Variants in SH3GL2 observed in about 807,000 individuals in gnomAD.
SH3GL2 encodes the protein SH3 domain containing GRB2 like 2, endophilin A1.
SH3GL2 carries 24 observed loss-of-function variants against 46.0 expected under a neutral mutation model. The observed-to-expected ratio is 0.52, with a 90% CI of 0.38 to 0.73. The LOEUF is 0.73. Ranked by LOEUF, SH3GL2 falls within the 30% of genes least tolerant of loss-of-function variation. The pLI is 0.00. For missense variants in SH3GL2, 413 were observed against 424.2 expected, an observed-to-expected ratio of 0.97 and a Z score of 0.23; for synonymous variants, 196 against 147.1, an observed-to-expected ratio of 1.33 and a Z score of -2.40.
At chr9:17,623,857 G>A (rs1339653951) in intron 1 of SH3GL2, among the ~76,000 whole-genome samples, 1 of 151,696 alleles carries the variant, frequency 6.6e-6, no homozygotes, top group Non-Finnish European at 1.5e-5. Context: ...TACTATAACC[G>A]CAGCACTATT....
intron 1 of SH3GL2, among the ~76,000 whole-genome samples, chr9:17,594,131 C>T (rs1818530824): frequency 1.3e-5 from 2 of 152,152 alleles, no homozygotes; most frequent in South Asian, 4.1e-4. Context: ...CCTTATGGCT[C>T]CCAGGATAGG....
intron 1 of SH3GL2, among the ~76,000 whole-genome samples, chr9:17,636,974 A>G (rs1024348484): frequency 2.0e-5 from 3 of 152,174 alleles, no homozygotes; most frequent in East Asian, 3.9e-4. Flanking sequence ...TTTTCTTACA[A>G]TTTGCTTGTA....
intron 1 of SH3GL2, among the ~76,000 whole-genome samples, chr9:17,721,383 G>A (rs1156272772): frequency 1.3e-5 from 2 of 151,912 alleles, no homozygotes; most frequent in Non-Finnish European, 2.9e-5. Flanking sequence ...GATATATAAG[G>A]ACTTAGTTTT....
chr9:17,608,280 T>G (rs1818797272), intron 1 of SH3GL2, among the ~76,000 whole-genome samples: 1 of 151,632 alleles, frequency 6.6e-6, no homozygotes, highest in Non-Finnish European at 1.5e-5. Flanking sequence ...CCCGAGTATC[T>G]GGGACTACAG....
intron 1 of SH3GL2, among the ~76,000 whole-genome samples, chr9:17,693,297 G>A (rs1205672806): frequency 6.6e-6 from 1 of 152,216 alleles, no homozygotes; most frequent in East Asian, 1.9e-4. Context: ...CCAGTGGCAA[G>A]TACTTGAGCA....
At chr9:17,734,748 G>GATTT (rs1822278926) in intron 1 of SH3GL2, among the ~76,000 whole-genome samples, 2 of 152,040 alleles carry the variant, frequency 1.3e-5, no homozygotes, top group Admixed American at 1.3e-4. Flanking sequence ...GTCCATAGTA[G>GATTT]GTAAATCCAT....
intron 1 of SH3GL2, among the ~76,000 whole-genome samples, chr9:17,633,513 A>G (rs1478265774): frequency 2.6e-5 from 4 of 152,226 alleles, no homozygotes; most frequent in Non-Finnish European, 5.9e-5. Flanking sequence ...AATATAAGAA[A>G]GTGTAAATAG....
At chr9:17,641,223 A>C (rs749385105) in intron 1 of SH3GL2, among the ~76,000 whole-genome samples, 1 of 152,296 alleles carries the variant, frequency 6.6e-6, no homozygotes, top group Non-Finnish European at 1.5e-5. Context: ...CCAAGCAAAC[A>C]GTTTTTCCAG....
At chr9:17,736,492 A>C (rs1822338468) in intron 1 of SH3GL2, among the ~76,000 whole-genome samples, 1 of 151,888 alleles carries the variant, frequency 6.6e-6, no homozygotes, top group African/African-American at 2.4e-5. Flanking sequence ...TCTCTTTCTT[A>C]TTGTTACCTA....
chr9:17,683,482 G>A (rs1020828671), intron 1 of SH3GL2, among the ~76,000 whole-genome samples: 5 of 152,002 alleles, frequency 3.3e-5, no homozygotes, highest in African/African-American at 1.2e-4. Flanking sequence ...GAAAGGAACA[G>A]GAAAATTGCT....
chr9:17,725,820 TG>T (rs1409195083), intron 1 of SH3GL2, among the ~76,000 whole-genome samples: 2 of 152,142 alleles, frequency 1.3e-5, no homozygotes, highest in Non-Finnish European at 2.9e-5. Flanking sequence ...AACACATGGC[TG>T]GGGGTTGAAT....
chr9:17,735,965 G>A (rs3808688), intron 1 of SH3GL2, among the ~76,000 whole-genome samples: 6,889 of 152,180 alleles, frequency 0.045, 416 homozygotes, highest in African/African-American at 0.13. Context: ...AGGAATTTGT[G>A]TGATAGGGGA....
At chr9:17,594,182 T>C (rs1818531612) in intron 1 of SH3GL2, among the ~76,000 whole-genome samples, 1 of 152,138 alleles carries the variant, frequency 6.6e-6, no homozygotes, top group South Asian at 2.1e-4. Flanking sequence ...GTGTCATCTG[T>C]GTCCTGCTCA....
chr9:17,716,895 A>T (rs111422672), intron 1 of SH3GL2, among the ~76,000 whole-genome samples: 1 of 152,066 alleles, frequency 6.6e-6, no homozygotes, highest in African/African-American at 2.4e-5. Context: ...TCATTTCTTG[A>T]CACTCATTCT....
At chr9:17,784,367 A>C (rs1823897531) in intron 3 of SH3GL2, among the ~76,000 whole-genome samples, 1 of 152,200 alleles carries the variant, frequency 6.6e-6, no homozygotes, top group African/African-American at 2.4e-5. Flanking sequence ...CAGCTTTTAT[A>C]AAAGGAATGC....
intron 1 of SH3GL2, among the ~76,000 whole-genome samples, chr9:17,678,290 G>C (rs1327564392): frequency 6.6e-6 from 1 of 152,066 alleles, no homozygotes; most frequent in Non-Finnish European, 1.5e-5. Context: ...ATCCTCTCCA[G>C]CACCTGTTGT....
intron 1 of SH3GL2, among the ~76,000 whole-genome samples, chr9:17,608,502 T>C (rs941255633): frequency 6.6e-6 from 1 of 152,226 alleles, no homozygotes; most frequent in Admixed American, 6.5e-5. Context: ...TTCTTCCTCA[T>C]CCACATAGGT....
intron 1 of SH3GL2, among the ~76,000 whole-genome samples, chr9:17,607,033 G>T (rs892820865): frequency 6.6e-6 from 1 of 152,204 alleles, no homozygotes; most frequent in African/African-American, 2.4e-5. Flanking sequence ...CATAAGGCCG[G>T]TTATCGAGGG....
intron 1 of SH3GL2, among the ~76,000 whole-genome samples, chr9:17,596,196 C>T (rs1818568286): frequency 6.6e-6 from 1 of 152,148 alleles, no homozygotes; most frequent in Non-Finnish European, 1.5e-5. Context: ...ACCTGCCCTG[C>T]CCTCCATAGA....
Sources: allele counts gnomAD v4.1 joint callset (sites outside exome capture counted in the v4.1 genomes callset), GRCh38; gene constraint gnomAD v4.1.1; transcripts MANE v1.5; gene names NCBI Gene and HGNC (gene_info 2026-07-23, HGNC 2026-07-21).